ALS2: variants seen among roughly 807,000 people sequenced by gnomAD.
ALS2 encodes the protein alsin Rho guanine nucleotide exchange factor ALS2, also known as alsin.
ALS2 carries 117 observed loss-of-function variants against 203.4 expected under a neutral mutation model. The ratio of observed to expected loss-of-function variants is 0.58; its 90% CI spans 0.50 to 0.67. The LOEUF (loss-of-function observed/expected upper bound fraction) is 0.67, where lower values mean the gene tolerates loss of function less well. ALS2 is among the 30% of genes least tolerant of loss of function. The pLI is 0.00. For synonymous variants in ALS2, 718 were observed against 725.9 expected (o/e 0.99, Z 0.17); for missense variants, 1,715 against 1,989.4 (o/e 0.86, Z 2.62).
chr2:201,704,716 C>G, intron 31 of ALS2, 113 bp from the exon 32 acceptor site: 1 of 1,221,756 alleles, frequency 8.2e-7, no homozygotes, highest in South Asian at 1.3e-5. Flanking sequence ...AACCCGGACA[C>G]TTAGGCATTA....
In ALS2 at chr2:201,746,651, C is replaced by G; in HGVS notation, c.1913G>C (p.Ser638Thr). Reference protein sequence around the residue: ...TEDFQPGLYYSGRQDPTEGDN... With the variant: ...TEDFQPGLYYTGRQDPTEGDN... The stretch of plus-strand genomic sequence containing the variant: ...ACCTTCTGTAGGGTCCTGTCGGCCA[C>G]TGTAATATAACCCAGGCTGGAAGTC... Residue 638 changes from serine to threonine, a missense_variant, in exon 9 of 34, where the codon AGT becomes ACT. Physicochemically the swap from Ser to Thr is moderately conservative, Grantham distance 58. Transcript: ENST00000264276. 6.2e-7 allele frequency: 1 copy of G among 1,614,144 alleles called. No homozygotes were observed. The highest frequency in any genetic ancestry group is 8.5e-7 in the Non-Finnish European group (1 of 1,180,028).
chr2:201,778,752 C>T (rs754750969), intron 1 of ALS2, among the ~76,000 whole-genome samples: 2 of 152,144 alleles, frequency 1.3e-5, no homozygotes, highest in African/African-American at 4.8e-5. Flanking sequence ...ACTTGAAATA[C>T]GTGGTAGATT....
At chr2:201,754,741 A>C in intron 5 of ALS2, 70 bp from the exon 6 acceptor site, 1 of 1,545,608 alleles carries the variant, frequency 6.5e-7, no homozygotes, top group South Asian at 1.1e-5. Flanking sequence ...CATTTGGACA[A>C]ACTTAAGATT....
At chr2:201,744,135 AC>A (rs1479876758) in intron 10 of ALS2, 122 bp downstream of exon 10, 5 of 1,110,716 alleles carry the variant, frequency 4.5e-6, no homozygotes, top group Non-Finnish European at 6.7e-6. Flanking sequence ...GTGTACACAC[AC>A]ACAAAGACAG....
At chr2:201,703,454 G>C (rs1269551204) in intron 33 of ALS2, among the ~76,000 whole-genome samples, 1 of 152,136 alleles carries the variant, frequency 6.6e-6, no homozygotes, top group Non-Finnish European at 1.5e-5. Flanking sequence ...GTGTATTCCT[G>C]TGACAGTCAC....
intron 6 of ALS2, among the ~76,000 whole-genome samples, 184 bp from the exon 7 acceptor site, chr2:201,753,426 C>T (rs942688977): frequency 6.6e-6 from 1 of 152,176 alleles, no homozygotes; most frequent in African/African-American, 2.4e-5. Context: ...AAGGTTTTAA[C>T]CTTTGTCTAT....
intron 1 of ALS2, among the ~76,000 whole-genome samples, chr2:201,775,805 C>T (rs945267381): frequency 2.6e-5 from 4 of 152,146 alleles, no homozygotes; most frequent in African/African-American, 7.2e-5. Context: ...TGGATATATT[C>T]GGTAGGCTGG....
Position 201,733,461 on chromosome 2 carries a change from TTTAG to T in ALS2, c.2418-27_2418-24del, listed in dbSNP as rs757610658. On this transcript the variant is annotated intron_variant, in intron 12 of 33. Transcript: ENST00000264276. The stretch of plus-strand genomic sequence containing the variant: ...TCACTAGAGGCAGAGGAAAAAAAAA[TTTAG>T]TTAATCATTTTGGAATTGGTAATAT... 4 of 1,603,768 alleles carry T rather than the reference TTTAG, an allele frequency of 2.5e-6. No homozygotes were observed. In the South Asian group the frequency reaches 3.3e-5, roughly 13 times the overall value.
Position 201,767,211 on chromosome 2 carries a change from C to G in ALS2, c.175+18G>C, listed in dbSNP as rs374705603. The G allele has an allele frequency of 6.2e-7, 1 of 1,613,686 alleles. No homozygotes were observed. Among genetic ancestry groups the G allele is most frequent in the East Asian group, 2.2e-5 (1 of 44,860 alleles). On this transcript the variant is annotated intron_variant, in intron 3 of 33. Transcript: ENST00000264276. ...TTAGCATTGCAGTTCGTATTTGTTA[C>G]GCCATTCTTTTCATTACCTTCAGTC...
intron 5 of ALS2, among the ~76,000 whole-genome samples, chr2:201,754,902 T>A (rs1693289168): frequency 6.6e-6 from 1 of 152,186 alleles, no homozygotes; most frequent in South Asian, 2.1e-4. Flanking sequence ...CACACACACA[T>A]TAGCACACAC....
At chr2:201,720,168 A>G (rs1690674887) in intron 23 of ALS2, 1 of 422,522 alleles carries the variant, frequency 2.4e-6, no homozygotes, top group African/African-American at 2.1e-5. Flanking sequence ...AATAAAAGAA[A>G]ACTACAGACC....
rs1327470774 is a variant in ALS2 at position 201,700,741 on chromosome 2, G to GAT, written c.*1109_*1110insAT. 6.6e-6 allele frequency: 1 copy of GAT among 152,640 alleles called. No individual in the cohort carries two copies. The highest frequency in any genetic ancestry group is 1.9e-4 in the East Asian group (1 of 5,200). The allele number at this position is 152,640 out of a possible 1,614,324, so 9.5% of individuals were successfully genotyped here. Reference sequence around the variant, plus strand: ...CACTCTGTATGCTCACCACGGTGTAGGAGATGAGATGAGGAAGAGCACCTA... The same window carrying GAT: ...CACTCTGTATGCTCACCACGGTGTAGATGAGATGAGATGAGGAAGAGCACCTA... On this transcript the variant is annotated 3_prime_UTR_variant, in exon 34 of 34. Coordinates refer to ENST00000264276, the MANE Select transcript of ALS2 (RefSeq NM_020919.4).
intron 16 of ALS2, 66 bp from the exon 17 acceptor site, chr2:201,727,344 A>T (rs375415555): frequency 3.8e-6 from 5 of 1,321,062 alleles, no homozygotes; most frequent in African/African-American, 2.9e-5. Context: ...TCGATCCTCA[A>T]ATATGAAAAG....
chr2:201,706,819 G>T, intron 29 of ALS2, 27 bp downstream of exon 29: 2 of 1,612,958 alleles, frequency 1.2e-6, no homozygotes, highest in South Asian at 1.1e-5. Context: ...AAAACCATTT[G>T]GTTGCGCTTG....
intron 12 of ALS2, among the ~76,000 whole-genome samples, chr2:201,738,210 G>A (rs570224945): frequency 6.6e-6 from 1 of 152,292 alleles, no homozygotes; most frequent in African/African-American, 2.4e-5. Flanking sequence ...AACACTTGTT[G>A]AGAAACTATC....
chr2:201,757,874 CAG>C, intron 4 of ALS2, 115 bp from the exon 5 acceptor site: 2 of 791,430 alleles, frequency 2.5e-6, no homozygotes, highest in South Asian at 3.7e-5. Context: ...TCTAAAACGA[CAG>C]AAGTTCTCTT....
chr2:201,702,471 T>A (rs57288598), intron 33 of ALS2, among the ~76,000 whole-genome samples: 1,689 of 152,274 alleles, frequency 0.011, 31 homozygotes, highest in African/African-American at 0.038. Flanking sequence ...AACTCCACAT[T>A]TTTTGATGTT....
chr2:201,741,575 T>C (rs1692270980), intron 11 of ALS2, 99 bp downstream of exon 11: 12 of 1,253,612 alleles, frequency 9.6e-6, no homozygotes, highest in East Asian at 2.4e-5. Flanking sequence ...TATTACCTTA[T>C]ATCACTCTCC....
At chr2:201,765,453 C>T (rs1264170351) in intron 3 of ALS2, 2 of 166,816 alleles carry the variant, frequency 1.2e-5, no homozygotes, top group Admixed American at 6.5e-5. Flanking sequence ...ATAGTTCACA[C>T]TTTTAAAGTA....
Sources: allele counts gnomAD v4.1 joint callset (sites outside exome capture counted in the v4.1 genomes callset), GRCh38; gene constraint gnomAD v4.1.1; transcripts MANE v1.5; gene names NCBI Gene and HGNC (gene_info 2026-07-23, HGNC 2026-07-21).